SLC23A1: variants seen among roughly 807,000 people sequenced by gnomAD.
SLC23A1 encodes the protein Na(+)/L-ascorbic acid transporter 1.
A neutral mutation model predicts 62.5 loss-of-function variants in SLC23A1; 31 were observed. That is an observed-to-expected ratio of 0.50 (90% confidence interval 0.37 to 0.67). The LOEUF is 0.67. Ranked by LOEUF, SLC23A1 falls within the 30% of genes least tolerant of loss-of-function variation. SLC23A1 has a pLI of 0.00. For missense variants in SLC23A1, 640 were observed against 782.7 expected, an observed-to-expected ratio of 0.82 and a Z score of 2.18; for synonymous variants, 271 against 313.2, an observed-to-expected ratio of 0.87 and a Z score of 1.42.
At chr5:139,371,686 C>T (rs957769189) in intron 14 of SLC23A1, among the ~76,000 whole-genome samples, 1 of 152,174 alleles carries the variant, frequency 6.6e-6, no homozygotes, top group Non-Finnish European at 1.5e-5. Flanking sequence ...GTTCTTAGCT[C>T]AAGGACTCCA....
At chr5:139,381,868 G>T in intron 3 of SLC23A1, 24 bp downstream of exon 3, 2 of 1,539,126 alleles carry the variant, frequency 1.3e-6, no homozygotes, top group Non-Finnish European at 1.8e-6. Flanking sequence ...GGCGGGGGAC[G>T]GGTTGGGGGG....
At chr5:139,382,298 C>T in intron 2 of SLC23A1, 194 bp downstream of exon 2, 1 of 600,374 alleles carries the variant, frequency 1.7e-6, no homozygotes, top group South Asian at 2.0e-5. Flanking sequence ...CCCCACCTGG[C>T]AAGCGTCACA....
intron 14 of SLC23A1, among the ~76,000 whole-genome samples, chr5:139,368,067 G>A (rs1391929309): frequency 6.6e-6 from 1 of 152,188 alleles, no homozygotes; most frequent in Non-Finnish European, 1.5e-5. Flanking sequence ...CGGGCGCGGT[G>A]GCTTACGCCT....
chr5:139,379,490 G>T lies in SLC23A1; in HGVS notation c.926-136C>A. ...GGATGGGAGCTATACAGTTGTGGGA[G>T]CTTATTTGAGTCACTCAGAGCCAGG... is the stretch of plus-strand genomic sequence containing the variant. On this transcript the variant is annotated intron_variant, in intron 8 of 14. Transcript: ENST00000348729. The surrounding 1 kb of genome is among the most constrained non-coding windows in gnomAD (Gnocchi z 4.7). The T allele has an allele frequency of 9.6e-7, 1 of 1,046,652 alleles. No homozygotes were observed. The highest frequency in any genetic ancestry group is 1.5e-6 in the Non-Finnish European group (1 of 686,626). The allele number at this position is 1,046,652 out of a possible 1,614,324, so 64.8% of individuals were successfully genotyped here.
rs775958373 is a variant in SLC23A1, at chr5:139,380,285, G to A, written c.570C>T (p.Pro190=). The change falls in exon 6 of 15, where the codon CCC becomes CCT. Residue 190 remains proline (P), a synonymous_variant. Coordinates refer to ENST00000348729, the MANE Select transcript of SLC23A1 (RefSeq NM_005847.5). ...CAGAAAGGCCAATGAGGGAGACAGT[G>A]GGGGTGACTGTGAGAGGCCCAATGT... ...LNYIGPLTVT[P]TVSLIGLSVF... is the part of the protein sequence containing the mutation. The A allele has an allele frequency of 6.9e-6, 11 of 1,593,588 alleles. No homozygotes were observed. The highest frequency in any genetic ancestry group is 6.8e-5 in the South Asian group (6 of 88,250).
In SLC23A1 at chr5:139,378,013, G is replaced by T; in HGVS notation, c.1415C>A (p.Pro472His). The T allele has an allele frequency of 6.2e-7, 1 of 1,614,002 alleles. No homozygotes were observed. The highest frequency in any genetic ancestry group is 1.3e-5 in the African/African-American group (1 of 75,062). Reference protein sequence around the residue: ...GFSMFFGLTLPNYLESNPGAI... With the variant: ...GFSMFFGLTLHNYLESNPGAI... ...GCCAGGGTTGGACTCCAGGTAATTGGGCAGCGTGAGCCCGAAGAACATGGA... is the reference window on the plus strand; with the variant it reads ...GCCAGGGTTGGACTCCAGGTAATTGTGCAGCGTGAGCCCGAAGAACATGGA... Residue 472 changes from proline (P) to histidine (H), a missense_variant, in exon 12 of 15, where the codon CCC (proline) becomes CAC (histidine). Physicochemically the swap from Pro to His is moderately conservative, Grantham distance 77 (BLOSUM62 -2). Coordinates refer to ENST00000348729, the MANE Select transcript of SLC23A1 (RefSeq NM_005847.5). The surrounding 1 kb of genome is among the most constrained non-coding windows in gnomAD (Gnocchi z 4.5).
At position 139,378,702 on chromosome 5, in the gene SLC23A1, G is replaced by C; in HGVS notation, c.1074-18C>G. ...AGATGCCCCTGTAAGGAAAGGGAGA[G>C]TCGGGGCTTGGTCCAGCCTCTGCAC... On this transcript the variant is annotated intron_variant, in intron 9 of 14. Transcript: ENST00000348729. The surrounding 1 kb of genome is among the most constrained non-coding windows in gnomAD (Gnocchi z 4.5). The C allele has an allele frequency of 6.4e-7, 1 of 1,565,636 alleles. No individual in the cohort carries two copies. Among genetic ancestry groups the C allele is most frequent in the Non-Finnish European group, 8.7e-7 (1 of 1,147,264 alleles).
At chr5:139,385,259 G>A (rs766643571), upstream of SLC23A1, among the ~76,000 whole-genome samples, 11 of 152,198 alleles carry the variant, frequency 7.2e-5, no homozygotes, top group South Asian at 2.1e-4. Flanking sequence ...ACTCACAAAC[G>A]AAACTGAAAG....
upstream of SLC23A1, among the ~76,000 whole-genome samples, chr5:139,385,559 G>C (rs963195941): frequency 2.0e-5 from 3 of 152,208 alleles, no homozygotes; most frequent in Admixed American, 6.5e-5. Flanking sequence ...TGCGTGCACA[G>C]TTTTCCTTGG....
At position 139,367,322 on chromosome 5, in the gene SLC23A1, T is replaced by C. The variant is rs1030257154; in HGVS notation, c.*329A>G. On this transcript the variant is annotated 3_prime_UTR_variant, in exon 15 of 15. Transcript: ENST00000348729. ...TGGAACCTGCCCTCATTTCTTTTTA[T>C]TTTTTTCAACTTGCAGTCTAAAATA... The C allele has an allele frequency of 6.6e-5, 10 of 152,188 alleles. No homozygotes were observed. Among genetic ancestry groups the C allele is most frequent in the Admixed American group, 4.6e-4 (7 of 15,274 alleles). 9.4% of individuals were successfully genotyped at this position (152,188 alleles called of 1,614,324 possible). A position where few individuals can be genotyped will look rare whatever the true frequency, so the allele number is the denominator to read the frequency against.
Position 139,380,238 on chromosome 5 carries a change from C to G in SLC23A1, c.617G>C (p.Arg206Pro), listed in dbSNP as rs1315749977. ...TGAGATGCCCCAGTGGGAGCCAGCT[C>G]GGTCGCCAGCAGCTTGGAAGACAGA... Reference protein sequence around the residue: ...GLSVFQAAGDRAGSHWGISAC... With the variant: ...GLSVFQAAGDPAGSHWGISAC... Residue 206 changes from arginine to proline, a missense_variant, in exon 6 of 15, where the codon CGA becomes CCA. Coordinates refer to ENST00000348729, the MANE Select transcript of SLC23A1 (RefSeq NM_005847.5). 1.3e-6 allele frequency: 2 copies of G among 1,563,586 alleles called. No individual in the cohort carries two copies. The highest frequency in any genetic ancestry group is 2.7e-5 in the African/African-American group (2 of 73,588).
chr5:139,381,499 T>TGGGAGAATCGCTTGAACGC (rs1425039072), intron 3 of SLC23A1, among the ~76,000 whole-genome samples: 6 of 149,192 alleles, frequency 4.0e-5, no homozygotes, highest in South Asian at 2.1e-4. Flanking sequence ...GAGGCTAAGG[T>TGGGAGAATCGCTTGAACGC]GGGAGAATCG....
rs1204901458 is a variant in SLC23A1, at chr5:139,380,546, T to C, written c.465+19A>G. 1 of 1,613,272 alleles carries C rather than the reference T, an allele frequency of 6.2e-7. No individual in the cohort carries two copies. The highest frequency in any genetic ancestry group is 1.1e-5 in the South Asian group (1 of 91,052). On this transcript the variant is annotated intron_variant, in intron 5 of 14. Transcript: ENST00000348729. ...CCTCCTCAGGACCCGGCCTCTTCTA[T>C]GCTTACATGCAAACCCACCTCCCGT...
Position 139,379,207 on chromosome 5 carries a change from C to T in SLC23A1, c.1073G>A (p.Arg358Lys). The T allele has an allele frequency of 6.2e-7, 1 of 1,614,066 alleles. No individual in the cohort carries two copies. Among genetic ancestry groups the T allele is most frequent in the South Asian group, 1.1e-5 (1 of 91,078 alleles). The change falls in exon 9 of 15, where the codon AGG becomes AAG. Residue 358 changes from arginine (R) to lysine (K), a missense_variant and splice_region_variant. Arg to Lys is a conservative substitution (Grantham distance 26). Transcript: ENST00000348729. This position sits in a 1 kb window ranked among gnomAD's most constrained non-coding sequence, Gnocchi z 4.7. The stretch of plus-strand genomic sequence containing the variant: ...ATACTGAGGAGGGCAGGTAGGCTAC[C>T]TGTTGATAGCATGTACTGGAGGGGG... ...APPPPVHAIN[R>K]GIFTEGICCI...
intron 2 of SLC23A1, 189 bp from the exon 3 acceptor site, chr5:139,382,238 A>C: frequency 1.6e-6 from 1 of 622,316 alleles, no homozygotes; most frequent in Non-Finnish European, 2.8e-6. Context: ...TTTCCACTCA[A>C]GATATTCCTG....
upstream of SLC23A1, among the ~76,000 whole-genome samples, chr5:139,383,823 G>A (rs1758404387): frequency 6.6e-6 from 1 of 152,228 alleles, no homozygotes; most frequent in Non-Finnish European, 1.5e-5. Context: ...CCCAAGCCAT[G>A]CAGATAGCAA....
chr5:139,381,779 G>A (rs1278107565), intron 3 of SLC23A1, 113 bp downstream of exon 3: 2 of 824,448 alleles, frequency 2.4e-6, no homozygotes, highest in African/African-American at 1.7e-5. Flanking sequence ...GCAGGTGGAG[G>A]CAGAAAGCGG....
At position 139,379,434 on chromosome 5, in the gene SLC23A1, G is replaced by T; in HGVS notation, c.926-80C>A. On this transcript the variant is annotated intron_variant, in intron 8 of 14. Transcript: ENST00000348729. This position sits in a 1 kb window ranked among gnomAD's most constrained non-coding sequence, Gnocchi z 4.7. ...GGAATAGACAGGGCAGTGCTGGAAG[G>T]AGCAAGAGCAGATCAGGAGACCTCA... is the stretch of plus-strand genomic sequence containing the variant. The T allele has an allele frequency of 7.0e-7, 1 of 1,420,992 alleles. No individual in the cohort carries two copies. The highest frequency in any genetic ancestry group is 9.9e-7 in the Non-Finnish European group (1 of 1,011,458). 88.0% of individuals were successfully genotyped at this position (1,420,992 alleles called of 1,614,324 possible). A position where few individuals can be genotyped will look rare whatever the true frequency, so the allele number is the denominator to read the frequency against.
At chr5:139,368,111 G>A (rs1278783669) in intron 14 of SLC23A1, among the ~76,000 whole-genome samples, 4 of 152,070 alleles carry the variant, frequency 2.6e-5, no homozygotes, top group East Asian at 1.9e-4. Context: ...CAAGGCGGGC[G>A]GATCACGAGG....
Sources: allele counts gnomAD v4.1 joint callset (sites outside exome capture counted in the v4.1 genomes callset), GRCh38; gene constraint gnomAD v4.1.1; non-coding constraint Gnocchi (gnomAD v3.1); transcripts MANE v1.5; gene names NCBI Gene and HGNC (gene_info 2026-07-23, HGNC 2026-07-21).